Variants in NCAM1 observed in about 807,000 individuals in gnomAD.
The protein encoded by NCAM1 is neural cell adhesion molecule 1.
NCAM1 carries 14 observed loss-of-function variants against 109.8 expected under a neutral mutation model. The ratio of observed to expected loss-of-function variants is 0.13; its 90% CI spans 0.08 to 0.20. NCAM1 has a LOEUF of 0.20. NCAM1 is among the 10% of genes least tolerant of loss of function. The probability of loss-of-function intolerance (pLI) is 1.00; values close to 1 mark genes in which losing one functional copy is unlikely to be tolerated. For synonymous variants in NCAM1, 418 were observed against 442.9 expected, an observed-to-expected ratio of 0.94 and a Z score of 0.70; for missense variants, 774 against 1,109.9, an observed-to-expected ratio of 0.70 and a Z score of 4.30.
At chr11:113,068,792 G>A (rs1251126025) in intron 1 of NCAM1, among the ~76,000 whole-genome samples, 4 of 152,050 alleles carry the variant, frequency 2.6e-5, no homozygotes, top group Non-Finnish European at 4.4e-5. Flanking sequence ...TCCTAGAGGT[G>A]CGGTTTAGTC....
chr11:113,037,385 G>A (rs1555079342), intron 1 of NCAM1, among the ~76,000 whole-genome samples: 1 of 152,154 alleles, frequency 6.6e-6, no homozygotes, highest in Non-Finnish European at 1.5e-5. Context: ...TCCCAGGCTA[G>A]TTCAAGGCTG....
intron 7 of NCAM1, among the ~76,000 whole-genome samples, chr11:113,210,942 C>T (rs1944375300): frequency 6.6e-6 from 1 of 152,298 alleles, no homozygotes; most frequent in African/African-American, 2.4e-5. Flanking sequence ...TTTGTAGAGA[C>T]TGAGTCCACA....
At chr11:113,164,810 T>C (rs889324797) in intron 1 of NCAM1, among the ~76,000 whole-genome samples, 2 of 151,980 alleles carry the variant, frequency 1.3e-5, no homozygotes, top group Non-Finnish European at 2.9e-5. Flanking sequence ...GTAGGCAGGA[T>C]CCATTATTAA....
At chr11:113,105,814 G>A (rs1026889727) in intron 1 of NCAM1, among the ~76,000 whole-genome samples, 2 of 152,188 alleles carry the variant, frequency 1.3e-5, no homozygotes, top group African/African-American at 4.8e-5. Flanking sequence ...TGATGAAAAT[G>A]TTCTAAAATT....
intron 1 of NCAM1, among the ~76,000 whole-genome samples, chr11:112,975,970 A>T (rs887254184): frequency 2.0e-5 from 3 of 151,950 alleles, no homozygotes; most frequent in Admixed American, 6.6e-5. Flanking sequence ...CAGAAAAATC[A>T]TTCACTATTT....
At chr11:113,038,055 G>A (rs975828984) in intron 1 of NCAM1, among the ~76,000 whole-genome samples, 15 of 152,300 alleles carry the variant, frequency 9.8e-5, no homozygotes, top group African/African-American at 2.9e-4. Context: ...ACCCAGTCCC[G>A]GGCTCCTGCC....
intron 14 of NCAM1, chr11:113,242,718 A>C (rs1436304650): frequency 4.0e-4 from 410 of 1,026,288 alleles, no homozygotes; most frequent in Non-Finnish European, 5.8e-4. Context: ...TCACCCATGT[A>C]TGTATACATA....
intron 1 of NCAM1, among the ~76,000 whole-genome samples, chr11:113,004,501 AT>A (rs1555073000): frequency 1.9e-4 from 28 of 147,054 alleles, no homozygotes; most frequent in South Asian, 4.3e-4. Flanking sequence ...CAAAAAAAAA[AT>A]TTTTTTTTTT....
chr11:113,183,346 G>A (rs564362753), intron 1 of NCAM1, among the ~76,000 whole-genome samples: 2 of 152,104 alleles, frequency 1.3e-5, no homozygotes, highest in African/African-American at 2.4e-5. Flanking sequence ...TGTCTGTCCC[G>A]CTCCTCCAGA....
chr11:113,096,230 G>A (rs552627056), intron 1 of NCAM1, among the ~76,000 whole-genome samples: 78 of 152,282 alleles, frequency 5.1e-4, no homozygotes, highest in African/African-American at 1.5e-3. Context: ...GATACCAAGT[G>A]GGGGTGGTGG....
At chr11:113,256,099 A>T in intron 16 of NCAM1, 98 bp downstream of exon 16, 11 of 1,446,962 alleles carry the variant, frequency 7.6e-6, no homozygotes, top group African/African-American at 1.4e-5. Flanking sequence ...CAGGGGTGGG[A>T]TGGGGTCTTA....
chr11:113,268,084 A>C (rs1946176232), intron 17 of NCAM1, among the ~76,000 whole-genome samples: 1 of 152,134 alleles, frequency 6.6e-6, no homozygotes, highest in African/African-American at 2.4e-5. Context: ...TGTGTCATGG[A>C]ATGGAGAGAA....
At chr11:113,244,637 T>G (rs1027564716) in intron 14 of NCAM1, among the ~76,000 whole-genome samples, 1 of 130,390 alleles carries the variant, frequency 7.7e-6, no homozygotes, top group Admixed American at 8.5e-5. Context: ...TCTCCCAGTT[T>G]TGCTTCTGTG....
intron 1 of NCAM1, among the ~76,000 whole-genome samples, chr11:113,101,598 C>T (rs910398415): frequency 6.6e-6 from 1 of 152,088 alleles, no homozygotes; most frequent in Non-Finnish European, 1.5e-5. Flanking sequence ...GATTTATGCT[C>T]ATTGAATGAA....
intron 1 of NCAM1, among the ~76,000 whole-genome samples, chr11:113,162,028 G>T (rs1431365292): frequency 6.6e-6 from 1 of 152,170 alleles, no homozygotes; most frequent in African/African-American, 2.4e-5. Flanking sequence ...ATTCAAGGGT[G>T]TTATGCTAGG....
At position 113,194,396 on chromosome 11, in the gene NCAM1, A is replaced by T. The variant is rs377612686; in HGVS notation, c.53-7983A>T. Among the ~76,000 whole-genome samples, 5 of 152,102 alleles carry T rather than the reference A, an allele frequency of 3.3e-5. No individual in the cohort carries two copies. In the South Asian group the frequency reaches 1.0e-3, roughly 32 times the overall value. Reference sequence around the variant, plus strand: ...TGGAAGAGTCATAGGATTTGGGGGCAGGGGTTAAGGAGAATTCTTACCAGG... The same window carrying T: ...TGGAAGAGTCATAGGATTTGGGGGCTGGGGTTAAGGAGAATTCTTACCAGG... On this transcript the variant is annotated intron_variant, in intron 1 of 19. Coordinates refer to ENST00000316851, the MANE Select transcript of NCAM1 (RefSeq NM_181351.5).
At chr11:113,235,578 A>G (rs782297816) in intron 14 of NCAM1, among the ~76,000 whole-genome samples, 6 of 152,198 alleles carry the variant, frequency 3.9e-5, no homozygotes, top group South Asian at 2.1e-4. Context: ...CACATAATGC[A>G]TTGCGGGATC....
intron 1 of NCAM1, among the ~76,000 whole-genome samples, chr11:113,045,871 C>A (rs763039746): frequency 4.9e-4 from 73 of 150,512 alleles, no homozygotes; most frequent in Non-Finnish European, 9.3e-4. Flanking sequence ...AATTGGCTTT[C>A]TAACTGTGTT....
At chr11:113,162,597 T>A (rs1201039284) in intron 1 of NCAM1, among the ~76,000 whole-genome samples, 1 of 152,190 alleles carries the variant, frequency 6.6e-6, no homozygotes. Flanking sequence ...TTTAAAAAAA[T>A]TGTTTTAATG....
Sources: allele counts gnomAD v4.1 joint callset (sites outside exome capture counted in the v4.1 genomes callset), GRCh38; gene constraint gnomAD v4.1.1; transcripts MANE v1.5; gene names NCBI Gene and HGNC (gene_info 2026-07-23, HGNC 2026-07-21).